Variants in VWA5B2 observed in about 807,000 individuals in gnomAD.
VWA5B2 encodes the protein von Willebrand factor A domain-containing protein 5B2.
Under a neutral mutation model 118.5 loss-of-function variants are expected in VWA5B2, and 93 were observed. That is an observed-to-expected ratio of 0.79 (90% CI 0.66 to 0.93). The LOEUF (loss-of-function observed/expected upper bound fraction) is 0.93. Among genes scored for constraint, VWA5B2 ranks in the 40% least tolerant of loss-of-function variants. The pLI is 0.00. For synonymous variants in VWA5B2, 708 were observed against 716.3 expected (o/e 0.99, Z 0.19); for missense variants, 1,546 against 1,672.8 (o/e 0.92, Z 1.32).
chr3:184,230,080 T>G (rs1432374946), intron 1 of VWA5B2, among the ~76,000 whole-genome samples: 16 of 151,964 alleles, frequency 1.1e-4, no homozygotes, highest in Admixed American at 1.0e-3. Flanking sequence ...TTCGGGCCCT[T>G]TAAACCTCCG....
At position 184,230,547 on chromosome 3, in the gene VWA5B2, C is replaced by A; in HGVS notation, c.19C>A (p.Pro7Thr). 1 of 1,480,936 alleles carries A rather than the reference C, an allele frequency of 6.8e-7. No homozygotes were observed. The highest frequency in any genetic ancestry group is 8.9e-7 in the Non-Finnish European group (1 of 1,123,692). The allele number at this position is 1,480,936 out of a possible 1,614,324, so 91.7% of individuals were successfully genotyped here. Residue 7 changes from proline (P) to threonine (T), a missense_variant, in exon 2 of 20, where the codon CCC becomes ACC. Around this residue, in one of 3 missense-constraint regions of VWA5B2, gnomAD observed 775 missense variants for 882.3 expected, o/e 0.88. Transcript: ENST00000691901. Reference protein sequence around the residue: MPGLYCPSSWTPLPLTD... With the variant: MPGLYCTSSWTPLPLTD... Reference sequence around the variant, plus strand: ...CGGCGCCATGCCCGGCCTGTACTGCCCCTCCAGCTGGACGCCGCTGCCGCT... The same window carrying A: ...CGGCGCCATGCCCGGCCTGTACTGCACCTCCAGCTGGACGCCGCTGCCGCT...
chr3:184,241,929 T>C lies in VWA5B2; in HGVS notation c.3620T>C (p.Leu1207Pro). The change falls in exon 20 of 20, where the codon CTT (leucine) becomes CCT (proline). Residue 1207 changes from leucine to proline, a missense_variant. Physicochemically the swap from Leu to Pro is moderately conservative, Grantham distance 98. Around this residue, in one of 3 missense-constraint regions of VWA5B2, gnomAD observed 763 missense variants for 766.6 expected, o/e 1.00. Transcript: ENST00000691901. The surrounding 1 kb of genome is among the most constrained non-coding windows in gnomAD (Gnocchi z 5.1). ...CGGGCCCAGCACTTGCCTGACGGCC[T>C]TGACCTGGCCGCCCTCAAGGCCGCA... Reference protein sequence around the residue: ...WLRAQHLPDGLDLAALKAAAR... With the variant: ...WLRAQHLPDGPDLAALKAAAR... The C allele has an allele frequency of 6.5e-7, 1 of 1,548,140 alleles. No homozygotes were observed. Among genetic ancestry groups the C allele is most frequent in the Non-Finnish European group, 8.7e-7 (1 of 1,146,428 alleles).
At position 184,233,296 on chromosome 3, in the gene VWA5B2, G is replaced by T. The variant is rs1226643189; in HGVS notation, c.429G>T (p.Arg143Ser). The change falls in exon 4 of 20, where the codon AGG (arginine) becomes AGT (serine). Residue 143 changes from arginine to serine, a missense_variant. By Grantham distance (110) the Arg-to-Ser change is moderately radical (BLOSUM62 -1). Around this residue, in one of 3 missense-constraint regions of VWA5B2, gnomAD observed 775 missense variants for 882.3 expected, o/e 0.88. Coordinates refer to ENST00000691901, the MANE Select transcript of VWA5B2 (RefSeq NM_001390846.1). The surrounding 1 kb of genome is among the most constrained non-coding windows in gnomAD (Gnocchi z 5.2). ...TLHSSRELPS[R>S]PDGVLHVALP... ...ACAGCAGCCGGGAGCTGCCCTCAAG[G>T]CCTGACGGGGTGCTGCATGTGGCCC... 4.5e-5 allele frequency: 69 copies of T among 1,538,970 alleles called. 1 individual carries two copies. In the East Asian group the frequency reaches 1.7e-3, roughly 37 times the overall value.
chr3:184,235,201 G>A lies in VWA5B2; in HGVS notation c.994G>A (p.Val332Met), dbSNP rs558302255. ...CCACAAGGACATCCTGCTGAACCCC[G>A]TGCTGGCGCTGAGCTTCTGCCCAGA... ...RFHKDILLNP[V>M]LALSFCPDLS... The change falls in exon 8 of 20, where the codon GTG becomes ATG. Residue 332 changes from valine to methionine, a missense_variant. Val to Met is a conservative substitution (Grantham distance 21). This residue lies in a region of VWA5B2 where 775 missense variants were observed against 882.3 expected (regional missense o/e 0.88). Transcript: ENST00000691901. The A allele has an allele frequency of 5.2e-6, 8 of 1,551,724 alleles. No individual in the cohort carries two copies. In the Admixed American group the frequency reaches 7.8e-5, roughly 15 times the overall value.
Position 184,241,147 on chromosome 3 carries a change from C to T in VWA5B2, c.2962+40C>T. The T allele has an allele frequency of 6.4e-7, 1 of 1,551,466 alleles. No homozygotes were observed. Among genetic ancestry groups the T allele is most frequent in the South Asian group, 1.2e-5 (1 of 84,048 alleles). On this transcript the variant is annotated intron_variant, in intron 18 of 19. Coordinates refer to ENST00000691901, the MANE Select transcript of VWA5B2 (RefSeq NM_001390846.1). This position sits in a 1 kb window ranked among gnomAD's most constrained non-coding sequence, Gnocchi z 5.1. ...TAGGGAAAGGGTAGGGGCACTTGGG[C>T]TTAGAGACCGCCCCCTGGCACTGAT... is the stretch of plus-strand genomic sequence containing the variant.
chr3:184,235,305 C>A lies in VWA5B2; in HGVS notation c.1098C>A (p.His366Gln). The stretch of plus-strand genomic sequence containing the variant: ...TTTTGGATAGCAGCAGCGTGGCACA[C>A]AAGGCCCGTGGGGGTGTGGTGTGGG... ...LFLLDSSSVA[H>Q]KDAIVLAVKS... The change falls in exon 8 of 20, where the codon CAC becomes CAA. Residue 366 changes from histidine to glutamine, a missense_variant. By Grantham distance (24) the His-to-Gln change is conservative. Around this residue, in one of 3 missense-constraint regions of VWA5B2, gnomAD observed 775 missense variants for 882.3 expected, o/e 0.88. Transcript: ENST00000691901. 1 of 1,551,320 alleles carries A rather than the reference C, an allele frequency of 6.4e-7. No homozygotes were observed. Among genetic ancestry groups the A allele is most frequent in the South Asian group, 1.2e-5 (1 of 84,056 alleles).
At position 184,236,075 on chromosome 3, in the gene VWA5B2, G is replaced by A. The variant is rs1440857727; in HGVS notation, c.1102-77G>A. ...TCACTTGAATCACAGCCTGGATAAC[G>A]CAGTGATCTGGCTTCCCTTGCTCTG... On this transcript the variant is annotated intron_variant, in intron 8 of 19. Transcript: ENST00000691901. The A allele has an allele frequency of 2.2e-5, 28 of 1,289,508 alleles. No individual in the cohort carries two copies. The South Asian group carries it at 2.4e-4, about 11-fold the overall frequency. 79.9% of individuals were successfully genotyped at this position (1,289,508 alleles called of 1,614,324 possible).
At position 184,233,469 on chromosome 3, in the gene VWA5B2, G is replaced by T. The variant is rs770909035; in HGVS notation, c.530+72G>T. 38 of 1,502,252 alleles carry T rather than the reference G, an allele frequency of 2.5e-5. No individual in the cohort carries two copies. Among genetic ancestry groups the T allele is most frequent in the Non-Finnish European group, 3.1e-5 (35 of 1,122,812 alleles). The allele number at this position is 1,502,252 out of a possible 1,614,324, so 93.1% of individuals were successfully genotyped here. ...GTCTAGTGCGGGTGAGGGGGCACTG[G>T]CAGGGTACCCAGGGATGGGAAGGGT... On this transcript the variant is annotated intron_variant, in intron 4 of 19. Transcript: ENST00000691901. The surrounding 1 kb of genome is among the most constrained non-coding windows in gnomAD (Gnocchi z 5.2).
chr3:184,239,392 A>T lies in VWA5B2; in HGVS notation c.2203-2A>T, dbSNP rs1174363050. The T allele has an allele frequency of 6.5e-7, 1 of 1,533,900 alleles. No individual in the cohort carries two copies. Among genetic ancestry groups the T allele is most frequent in the East Asian group, 2.5e-5 (1 of 40,442 alleles). On this transcript the variant is annotated splice_acceptor_variant, in intron 14 of 19. Coordinates refer to ENST00000691901, the MANE Select transcript of VWA5B2 (RefSeq NM_001390846.1). LOFTEE classifies it high-confidence loss of function. This position sits in a 1 kb window ranked among gnomAD's most constrained non-coding sequence, Gnocchi z 5.1. ...CCAGTGGCCCCCATATCTCACATGC[A>T]GGTGGGGGCCTTGAGTACTGAGGTG...
At position 184,238,217 on chromosome 3, in the gene VWA5B2, C is replaced by A; in HGVS notation, c.1720-86C>A. On this transcript the variant is annotated intron_variant, in intron 12 of 19. Coordinates refer to ENST00000691901, the MANE Select transcript of VWA5B2 (RefSeq NM_001390846.1). This position sits in a 1 kb window ranked among gnomAD's most constrained non-coding sequence, Gnocchi z 5.0. The stretch of plus-strand genomic sequence containing the variant: ...TGTTTCTGGTTTATTAGCTTTGTTG[C>A]CTCTTGCTGTGAGCCATCTAAAAAT... 2 of 1,176,264 alleles carry A rather than the reference C, an allele frequency of 1.7e-6. No homozygotes were observed. Among genetic ancestry groups the A allele is most frequent in the Non-Finnish European group, 2.3e-6 (2 of 856,874 alleles). 72.9% of individuals were successfully genotyped at this position (1,176,264 alleles called of 1,614,324 possible).
rs777186943 is a variant in VWA5B2 at position 184,238,780 on chromosome 3, C to T, written c.2109C>T (p.Pro703=). Residue 703 remains proline (P), a synonymous_variant, in exon 14 of 20, where the codon CCC becomes CCT. Coordinates refer to ENST00000691901, the MANE Select transcript of VWA5B2 (RefSeq NM_001390846.1). The surrounding 1 kb of genome is among the most constrained non-coding windows in gnomAD (Gnocchi z 5.0). ...GSPEGSAPLE[P]PSQQGCRSLA... is the part of the protein sequence containing the mutation. ...CCGAAGGTAGTGCTCCCTTGGAGCC[C>T]CCTTCTCAGCAGGGCTGCCGCAGTC... The T allele has an allele frequency of 1.3e-6, 2 of 1,548,958 alleles. No individual in the cohort carries two copies. The highest frequency in any genetic ancestry group is 1.7e-6 in the Non-Finnish European group (2 of 1,145,582).
rs561987198 is a variant in VWA5B2, at chr3:184,231,656, A to G, written c.310+739A>G. On this transcript the variant is annotated intron_variant, in intron 3 of 19. Coordinates refer to ENST00000691901, the MANE Select transcript of VWA5B2 (RefSeq NM_001390846.1). ...GCATCTCCAAATCCCAGCACCTCAC[A>G]CAGAACCTGGCACTATGAGGCCCAG... 2.0e-5 allele frequency among the ~76,000 whole-genome samples: 3 copies of G among 152,258 alleles called. No homozygotes were observed. The South Asian group carries it at 6.2e-4, about 32-fold the overall frequency.
Position 184,241,831 on chromosome 3 carries a change from C to T in VWA5B2, c.3522C>T (p.Ala1174=). ...GRTWATAVAL[A]WLEHRCAAAF... is the part of the protein sequence containing the mutation. ...CCTGGGCCACTGCCGTAGCACTCGCCTGGCTGGAGCACCGATGCGCCGCTG... is the reference window on the plus strand; with the variant it reads ...CCTGGGCCACTGCCGTAGCACTCGCTTGGCTGGAGCACCGATGCGCCGCTG... Residue 1174 remains alanine (A), a synonymous_variant, in exon 20 of 20, where the codon GCC becomes GCT. Transcript: ENST00000691901. This position sits in a 1 kb window ranked among gnomAD's most constrained non-coding sequence, Gnocchi z 5.1. 2 of 1,530,260 alleles carry T rather than the reference C, an allele frequency of 1.3e-6. No homozygotes were observed. The highest frequency in any genetic ancestry group is 1.2e-5 in the South Asian group (1 of 81,446). The allele number at this position is 1,530,260 out of a possible 1,614,324, so 94.8% of individuals were successfully genotyped here. A position where few individuals can be genotyped will look rare whatever the true frequency, so the allele number is the denominator to read the frequency against.
At chr3:184,232,125 TGTTATGGGGGATGGAAGGG>T (rs1261578164) in intron 3 of VWA5B2, among the ~76,000 whole-genome samples, 4 of 152,146 alleles carry the variant, frequency 2.6e-5, no homozygotes, top group African/African-American at 9.7e-5. Flanking sequence ...GGCTTCTTCC[TGTTATGGGGGATGGAAGGG>T]GGATAATCCC....
chr3:184,230,869 G>A lies in VWA5B2; in HGVS notation c.262G>A (p.Ala88Thr). ...RRRSQAACCR[A>T]LGPGLGTPTP... ...CCGCTCGCAGGCCGCCTGCTGCCGC[G>A]CTCTGGGCCCGGGGCTGGGGACCCC... is the stretch of plus-strand genomic sequence containing the variant. The change falls in exon 3 of 20, where the codon GCT becomes ACT. Residue 88 changes from alanine to threonine, a missense_variant. Coordinates refer to ENST00000691901, the MANE Select transcript of VWA5B2 (RefSeq NM_001390846.1). 1 of 1,240,058 alleles carries A rather than the reference G, an allele frequency of 8.1e-7. No homozygotes were observed. The highest frequency in any genetic ancestry group is 1.0e-6 in the Non-Finnish European group (1 of 992,872). The allele number at this position is 1,240,058 out of a possible 1,614,324, so 76.8% of individuals were successfully genotyped here. A position where few individuals can be genotyped will look rare whatever the true frequency, so the allele number is the denominator to read the frequency against.
At position 184,230,862 on chromosome 3, in the gene VWA5B2, C is replaced by T. The variant is rs2108415322; in HGVS notation, c.255C>T (p.Cys85=). ...LQSRRRSQAA[C]CRALGPGLGT... ...GCCGGCGCCGCTCGCAGGCCGCCTG[C>T]TGCCGCGCTCTGGGCCCGGGGCTGG... The change falls in exon 3 of 20, where the codon TGC becomes TGT. Residue 85 remains cysteine, a synonymous_variant. Coordinates refer to ENST00000691901, the MANE Select transcript of VWA5B2 (RefSeq NM_001390846.1). 1 of 1,241,438 alleles carries T rather than the reference C, an allele frequency of 8.1e-7. No homozygotes were observed. Among genetic ancestry groups the T allele is most frequent in the African/African-American group, 1.6e-5 (1 of 63,870 alleles). The allele number at this position is 1,241,438 out of a possible 1,614,324, so 76.9% of individuals were successfully genotyped here. A position where few individuals can be genotyped will look rare whatever the true frequency, so the allele number is the denominator to read the frequency against.
In VWA5B2 at chr3:184,241,552, C is replaced by T; in HGVS notation, c.3243C>T (p.Arg1081=). 1.9e-6 allele frequency: 3 copies of T among 1,549,652 alleles called. No individual in the cohort carries two copies. The highest frequency in any genetic ancestry group is 8.7e-7 in the Non-Finnish European group (1 of 1,146,802). The change falls in exon 20 of 20, where the codon CGC becomes CGT. Residue 1081 remains arginine (R), a synonymous_variant. Coordinates refer to ENST00000691901, the MANE Select transcript of VWA5B2 (RefSeq NM_001390846.1). This position sits in a 1 kb window ranked among gnomAD's most constrained non-coding sequence, Gnocchi z 5.1. ...ACGCGCCCTTCTGCGCCGCTGTGCG[C>T]ATCTCGCAGGAGCGCCTCTGCCGTG... The part of the protein sequence containing the change: ...RLDAPFCAAV[R]ISQERLCRAS...
chr3:184,234,477 T>C (rs1717748341), intron 6 of VWA5B2, 80 bp downstream of exon 6: 3 of 1,540,314 alleles, frequency 1.9e-6, no homozygotes, highest in Non-Finnish European at 2.6e-6. Context: ...AGTGCAGGTT[T>C]CTGGGCCCCA....
rs1379828014 is a variant in VWA5B2, at chr3:184,241,544, G to GCTGTGCGCAT, written c.3238_3247dup (p.Ser1083CysfsTer41). 1.2e-5 allele frequency: 19 copies of GCTGTGCGCAT among 1,549,712 alleles called. No homozygotes were observed. The Admixed American group carries it at 3.1e-4, about 26-fold the overall frequency. ...CCGCCTGGACGCGCCCTTCTGCGCC[G>GCTGTGCGCAT]CTGTGCGCATCTCGCAGGAGCGCCT... On this transcript the variant is annotated frameshift_variant, in exon 20 of 20. Transcript: ENST00000691901. LOFTEE classifies it high-confidence loss of function. This position sits in a 1 kb window ranked among gnomAD's most constrained non-coding sequence, Gnocchi z 5.1.
Sources: gnomAD v4.1 joint callset for allele counts (sites outside exome capture counted in the v4.1 genomes callset) on GRCh38, gnomAD v4.1.1 for gene constraint, gnomAD v4.1.1 regional missense constraint, Gnocchi (gnomAD v3.1) non-coding constraint, MANE v1.5 for transcripts, NCBI Gene and HGNC (gene_info 2026-07-23, HGNC 2026-07-21) for gene names.